Variants in RAB37 observed in about 807,000 individuals in gnomAD.
The protein encoded by RAB37 is ras-related protein Rab-37.
RAB37 carries 29 observed loss-of-function variants against 33.1 expected under a neutral mutation model. The observed-to-expected ratio is 0.88, with a 90% CI of 0.65 to 1.20. The LOEUF (loss-of-function observed/expected upper bound fraction) is 1.20. RAB37 is among the 50% of genes most tolerant of loss of function. The probability of loss-of-function intolerance (pLI) is 0.00; values close to 1 mark genes in which losing one functional copy is unlikely to be tolerated. For synonymous variants in RAB37, 128 were observed against 119.5 expected (o/e 1.07, Z -0.47); for missense variants, 299 against 301.1 (o/e 0.99, Z 0.05).
At chr17:74,724,345 C>A (rs562233668) in intron 1 of RAB37, among the ~76,000 whole-genome samples, 1 of 152,322 alleles carries the variant, frequency 6.6e-6, no homozygotes, top group South Asian at 2.1e-4. Context: ...TTCCAATGAG[C>A]CTTTCCAAAG....
chr17:74,703,245 C>T, intron 1 of RAB37: 1 of 920,500 alleles, frequency 1.1e-6, no homozygotes, highest in Admixed American at 2.2e-5. Flanking sequence ...GGGGTCTGGA[C>T]TGCTACTATG....
intron 1 of RAB37, among the ~76,000 whole-genome samples, chr17:74,687,012 C>T (rs2032066996): frequency 6.6e-6 from 1 of 152,176 alleles, no homozygotes; most frequent in African/African-American, 2.4e-5. Context: ...TAAATGCCAA[C>T]AAGTGCCAGT....
intron 1 of RAB37, among the ~76,000 whole-genome samples, chr17:74,678,696 CACACACACACAT>C (rs2031892492): frequency 6.6e-6 from 1 of 152,154 alleles, no homozygotes; most frequent in South Asian, 2.1e-4. Flanking sequence ...CACACACACA[CACACACACACAT>C]GCCTGCACAT....
At chr17:74,697,899 G>A (rs530439449) in intron 1 of RAB37, among the ~76,000 whole-genome samples, 1 of 152,234 alleles carries the variant, frequency 6.6e-6, no homozygotes, top group African/African-American at 2.4e-5. Context: ...ATGCACTGTG[G>A]GATCCATGCA....
chr17:74,737,182 G>A, upstream of RAB37: 1 of 1,540,954 alleles, frequency 6.5e-7, no homozygotes, highest in Admixed American at 1.9e-5. Context: ...TCCCGGTCGA[G>A]GGAGGGGAGG....
chr17:74,695,307 G>A (rs2032329523), intron 1 of RAB37: 1 of 1,601,720 alleles, frequency 6.2e-7, no homozygotes. Flanking sequence ...ACGGTCACGG[G>A]GCAGAGGAGC....
intron 1 of RAB37, among the ~76,000 whole-genome samples, chr17:74,699,340 C>T (rs565943438): frequency 6.6e-6 from 1 of 152,298 alleles, no homozygotes; most frequent in East Asian, 1.9e-4. Context: ...TACACCTGCC[C>T]TCTCTACTGG....
intron 1 of RAB37, among the ~76,000 whole-genome samples, chr17:74,702,284 G>T (rs1051671824): frequency 3.3e-5 from 5 of 152,116 alleles, no homozygotes; most frequent in Admixed American, 6.5e-5. Context: ...GTTGGGCAGG[G>T]CACTAAGAGG....
chr17:74,716,041 A>G (rs2034161073), intron 1 of RAB37, among the ~76,000 whole-genome samples: 1 of 152,152 alleles, frequency 6.6e-6, no homozygotes, highest in African/African-American at 2.4e-5. Context: ...TCAAAAAGAA[A>G]AAGCAGAGAA....
rs1432064943 is a variant in RAB37 at position 74,730,226 on chromosome 17, TG to T, written c.183+864del. 3.3e-5 allele frequency among the ~76,000 whole-genome samples: 5 copies of T among 152,034 alleles called. No homozygotes were observed. The highest frequency in any genetic ancestry group is 7.4e-5 in the Non-Finnish European group (5 of 68,012). The stretch of plus-strand genomic sequence containing the variant: ...ACTCCAGAATCCTAGCATCTCAAGA[TG>T]GGGAAGAGCAAACATCTCTTCTTGG... On this transcript the variant is annotated intron_variant, in intron 2 of 7. Coordinates refer to the RAB37 transcript ENST00000340415. This position sits in a 1 kb window ranked among gnomAD's most constrained non-coding sequence, Gnocchi z 4.4.
chr17:74,674,008 G>A (rs1026811071), intron 1 of RAB37, among the ~76,000 whole-genome samples: 7 of 152,182 alleles, frequency 4.6e-5, no homozygotes, highest in Admixed American at 4.6e-4. Flanking sequence ...TAGAGTCCAA[G>A]GAGTTCCCAT....
chr17:74,686,567 T>A (rs1401866379), intron 1 of RAB37, among the ~76,000 whole-genome samples: 1 of 151,830 alleles, frequency 6.6e-6, no homozygotes, highest in East Asian at 1.9e-4. Context: ...GTTTTTGTAT[T>A]TTTTTTAGTA....
intron 1 of RAB37, chr17:74,698,290 T>C: frequency 1.0e-6 from 1 of 996,110 alleles, no homozygotes; most frequent in South Asian, 1.4e-5. Flanking sequence ...GGGTAATCCC[T>C]TGGACCAGAT....
chr17:74,684,243 T>C (rs1230721059), intron 1 of RAB37, among the ~76,000 whole-genome samples: 1 of 151,734 alleles, frequency 6.6e-6, no homozygotes, highest in Admixed American at 6.6e-5. Context: ...GGATTACAGA[T>C]GTGTGCCATG....
At chr17:74,705,405 ACTTT>A in intron 1 of RAB37, 2 of 527,212 alleles carry the variant, frequency 3.8e-6, no homozygotes, top group South Asian at 2.7e-5. Context: ...CACAGATCCC[ACTTT>A]CTTTAATGAA....
At position 74,729,163 on chromosome 17, in the gene RAB37, C is replaced by T. The variant is rs1399680436; in HGVS notation, c.73-93C>T. The T allele has an allele frequency of 2.4e-6, 2 of 831,368 alleles. No homozygotes were observed. The highest frequency in any genetic ancestry group is 4.3e-6 in the Non-Finnish European group (2 of 469,054). 51.5% of individuals were successfully genotyped at this position (831,368 alleles called of 1,614,324 possible). ...TGTGTGCATGTTGTGCACATGCGTG[C>T]TTAGAAAGAATCCACTCCCACAGCC... On this transcript the variant is annotated intron_variant, in intron 1 of 7. Transcript: ENST00000340415. The surrounding 1 kb of genome is among the most constrained non-coding windows in gnomAD (Gnocchi z 4.2).
chr17:74,739,017 C>T (rs2034546012), intron 1 of RAB37, among the ~76,000 whole-genome samples: 1 of 152,180 alleles, frequency 6.6e-6, no homozygotes, highest in Non-Finnish European at 1.5e-5. Context: ...TAAAGTCACA[C>T]AGTAGGCCAT....
intron 1 of RAB37, chr17:74,713,126 G>A (rs1567803675): frequency 4.3e-6 from 2 of 462,740 alleles, no homozygotes; most frequent in Non-Finnish European, 7.9e-6. Context: ...CCAACATAGT[G>A]AAACCCCGTC....
chr17:74,721,380 ATTTG>A (rs1455872445), intron 1 of RAB37, among the ~76,000 whole-genome samples: 1 of 149,864 alleles, frequency 6.7e-6, no homozygotes, highest in Non-Finnish European at 1.5e-5. Context: ...CTGCTGAATT[ATTTG>A]TTCTTACAAA....
Sources: gnomAD v4.1 joint callset for allele counts (sites outside exome capture counted in the v4.1 genomes callset) on GRCh38, gnomAD v4.1.1 for gene constraint, Gnocchi (gnomAD v3.1) non-coding constraint, MANE v1.5 for transcripts, NCBI Gene and HGNC (gene_info 2026-07-23, HGNC 2026-07-21) for gene names.